The following GBE1 variants were observed in gnomAD, a reference collection of about 807,000 sequenced individuals.
GBE1 encodes 1,4-alpha-glucan-branching enzyme.
GBE1 carries 70 observed loss-of-function variants against 88.8 expected under a neutral mutation model. The observed-to-expected ratio is 0.79, with a 90% CI of 0.65 to 0.96. The LOEUF is 0.96. Ranked by LOEUF, GBE1 falls within the 40% of genes least tolerant of loss-of-function variation. The pLI is 0.00. For synonymous variants in GBE1, 284 were observed against 300.1 expected (o/e 0.95, Z 0.56); for missense variants, 872 against 871.0 (o/e 1.00, Z -0.01).
intron 4 of GBE1, among the ~76,000 whole-genome samples, chr3:81,649,277 C>T (rs140338543): frequency 6.6e-6 from 1 of 152,040 alleles, no homozygotes; most frequent in African/African-American, 2.4e-5. Context: ...CCATGAAATA[C>T]ATATGTAATT....
intron 12 of GBE1, among the ~76,000 whole-genome samples, chr3:81,574,748 C>T (rs958233603): frequency 3.9e-5 from 6 of 152,126 alleles, no homozygotes; most frequent in Non-Finnish European, 8.8e-5. Context: ...AGAATGTCTA[C>T]GTAGCATGCC....
chr3:81,733,748 A>G lies in GBE1; in HGVS notation c.143+27627T>C, dbSNP rs1706218708. 6.6e-6 allele frequency among the ~76,000 whole-genome samples: 1 copy of G among 152,082 alleles called. No homozygotes were observed. Among genetic ancestry groups the G allele is most frequent in the South Asian group, 2.1e-4 (1 of 4,818 alleles). The stretch of plus-strand genomic sequence containing the variant: ...TTTTTGCCATGGCATTTATCATCCA[A>G]TATTTGTGATGTTTATTGTGTATCG... On this transcript the variant is annotated intron_variant, in intron 1 of 15. Coordinates refer to ENST00000429644, the MANE Select transcript of GBE1 (RefSeq NM_000158.4). The surrounding 1 kb of genome is among the most constrained non-coding windows in gnomAD (Gnocchi z 4.0).
chr3:81,538,595 A>ATTT (rs1202021980), intron 12 of GBE1, among the ~76,000 whole-genome samples: 1 of 151,974 alleles, frequency 6.6e-6, no homozygotes. Flanking sequence ...TCTAGGTCTA[A>ATTT]AGTCTGATTC....
chr3:81,551,324 T>TG (rs979363552), intron 12 of GBE1, among the ~76,000 whole-genome samples: 1 of 152,100 alleles, frequency 6.6e-6, no homozygotes, highest in Non-Finnish European at 1.5e-5. Context: ...CTTAACATGA[T>TG]GGGGGGTGCT....
chr3:81,646,505 C>A, intron 5 of GBE1, 23 bp from the exon 6 acceptor site: 1 of 1,307,470 alleles, frequency 7.6e-7, no homozygotes, highest in Non-Finnish European at 1.1e-6. Context: ...ATGGTCAAAT[C>A]TAAATTAAAA....
At chr3:81,603,376 G>A (rs1260547073) in intron 7 of GBE1, among the ~76,000 whole-genome samples, 2 of 152,060 alleles carry the variant, frequency 1.3e-5, no homozygotes, top group Non-Finnish European at 2.9e-5. Flanking sequence ...AGAAAATTAT[G>A]TTCTAGCCAA....
rs79871310 is a variant in GBE1, at chr3:81,707,591, A to C, written c.144-1978T>G. On this transcript the variant is annotated intron_variant, in intron 1 of 15. Transcript: ENST00000429644. ...TCATGAAAAAAGGATCTCAACTGAC[A>C]AAGTAAAAATATTATATTAAAAAAA... 5.1e-3 allele frequency among the ~76,000 whole-genome samples: 776 copies of C among 152,122 alleles called. 2 individuals are homozygous for C. Among genetic ancestry groups the C allele is most frequent in the Non-Finnish European group, 6.8e-3 (463 of 67,900 alleles).
intron 15 of GBE1, 87 bp from the exon 16 acceptor site, chr3:81,490,550 C>A: frequency 9.7e-7 from 1 of 1,033,164 alleles, no homozygotes; most frequent in South Asian, 1.3e-5. Flanking sequence ...ATGACGCAGT[C>A]TCACATCTGC....
chr3:81,502,132 C>T (rs2106814917), intron 14 of GBE1, among the ~76,000 whole-genome samples: 1 of 151,956 alleles, frequency 6.6e-6, no homozygotes, highest in East Asian at 1.9e-4. Flanking sequence ...ATTTTACATG[C>T]TTTTCCCACA....
At chr3:81,739,850 C>A (rs1264362633) in intron 1 of GBE1, among the ~76,000 whole-genome samples, 1 of 152,130 alleles carries the variant, frequency 6.6e-6, no homozygotes, top group South Asian at 2.1e-4. Context: ...ACCAAAAACA[C>A]ATATCCAAAC....
At chr3:81,758,869 A>G (rs114306276) in intron 1 of GBE1, among the ~76,000 whole-genome samples, 2,037 of 152,344 alleles carry the variant, frequency 0.013, 35 homozygotes, top group African/African-American at 0.045. Context: ...GTCCCCACTC[A>G]GATCTCATCT....
At chr3:81,685,550 T>A (rs1215359787) in intron 2 of GBE1, among the ~76,000 whole-genome samples, 1 of 152,026 alleles carries the variant, frequency 6.6e-6, no homozygotes, top group African/African-American at 2.4e-5. Context: ...CCCAGCTAAT[T>A]TTTTTATTTT....
At chr3:81,731,058 T>C (rs1472534509) in intron 1 of GBE1, among the ~76,000 whole-genome samples, 1 of 152,150 alleles carries the variant, frequency 6.6e-6, no homozygotes, top group African/African-American at 2.4e-5. Context: ...TAATATAGGC[T>C]GAGAGGCAAA....
chr3:81,565,512 A>T (rs969090842), intron 12 of GBE1, among the ~76,000 whole-genome samples: 1 of 152,238 alleles, frequency 6.6e-6, no homozygotes, highest in Non-Finnish European at 1.5e-5. Context: ...CAACAAATGC[A>T]GACTGACACT....
At chr3:81,703,965 G>A (rs943178242) in intron 2 of GBE1, among the ~76,000 whole-genome samples, 3 of 151,802 alleles carry the variant, frequency 2.0e-5, no homozygotes, top group African/African-American at 7.3e-5. Context: ...CTTGGATTTT[G>A]GTATCCACGA....
intron 7 of GBE1, among the ~76,000 whole-genome samples, chr3:81,623,922 T>A (rs927192461): frequency 6.6e-6 from 1 of 152,196 alleles, no homozygotes; most frequent in Non-Finnish European, 1.5e-5. Flanking sequence ...CTTCCTGTCT[T>A]GGCCTCCCAA....
intron 2 of GBE1, among the ~76,000 whole-genome samples, chr3:81,679,581 T>A (rs895859963): frequency 1.3e-4 from 20 of 152,220 alleles, no homozygotes; most frequent in Admixed American, 6.5e-5. Context: ...TTTTCTGTGT[T>A]CTGTGGATCA....
chr3:81,584,780 T>A (rs980078567), intron 10 of GBE1, among the ~76,000 whole-genome samples: 4 of 151,590 alleles, frequency 2.6e-5, no homozygotes, highest in Non-Finnish European at 4.4e-5. Context: ...TAAGCTGCCA[T>A]GAATACTCAG....
intron 1 of GBE1, among the ~76,000 whole-genome samples, chr3:81,713,619 AGAGT>A (rs1705901802): frequency 6.6e-6 from 1 of 152,204 alleles, no homozygotes; most frequent in Non-Finnish European, 1.5e-5. Context: ...CTCTTAGACA[AGAGT>A]GAGCAATGAA....
Sources: gnomAD v4.1 joint callset for allele counts (sites outside exome capture counted in the v4.1 genomes callset) on GRCh38, gnomAD v4.1.1 for gene constraint, Gnocchi (gnomAD v3.1) non-coding constraint, MANE v1.5 for transcripts, NCBI Gene and HGNC (gene_info 2026-07-23, HGNC 2026-07-21) for gene names.